The following IMMP2L variants were observed in gnomAD, a reference collection of about 807,000 sequenced individuals.
IMMP2L encodes mitochondrial inner membrane protease subunit 2.
IMMP2L carries 18 observed loss-of-function variants against 19.3 expected under a neutral mutation model. The observed-to-expected ratio is 0.93, with a 90% CI of 0.64 to 1.38. IMMP2L has a LOEUF of 1.38. Among genes scored for constraint, IMMP2L ranks in the 40% most tolerant of loss-of-function variants. IMMP2L has a pLI of 0.00. For synonymous variants in IMMP2L, 76 were observed against 73.0 expected (o/e 1.04, Z -0.21); for missense variants, 233 against 218.2 (o/e 1.07, Z -0.43).
intron 3 of IMMP2L, among the ~76,000 whole-genome samples, chr7:110,997,025 G>A (rs1823111308): frequency 6.6e-6 from 1 of 151,752 alleles, no homozygotes. Flanking sequence ...AATCACAAAG[G>A]GCATTCATGC....
chr7:110,814,831 G>A (rs1399081328), intron 5 of IMMP2L, among the ~76,000 whole-genome samples: 1 of 151,566 alleles, frequency 6.6e-6, no homozygotes, highest in Non-Finnish European at 1.5e-5. Flanking sequence ...AGACAGATGT[G>A]ATCACAATAC....
chr7:111,266,516 C>T (rs1817852412), intron 3 of IMMP2L, among the ~76,000 whole-genome samples: 1 of 147,528 alleles, frequency 6.8e-6, no homozygotes, highest in African/African-American at 2.5e-5. Context: ...GCACTCCAGC[C>T]TTGGCAACAG....
At chr7:111,256,139 T>A (rs867358307) in intron 3 of IMMP2L, among the ~76,000 whole-genome samples, 18 of 152,192 alleles carry the variant, frequency 1.2e-4, no homozygotes, top group African/African-American at 4.3e-4. Flanking sequence ...ATTTAGATAG[T>A]ATTCTAGCAA....
intron 3 of IMMP2L, among the ~76,000 whole-genome samples, chr7:111,243,286 T>A (rs1202726137): frequency 1.3e-5 from 2 of 152,020 alleles, no homozygotes; most frequent in East Asian, 3.9e-4. Context: ...TAAATACTAA[T>A]TCTCTATCTA....
intron 4 of IMMP2L, among the ~76,000 whole-genome samples, chr7:110,895,449 A>G (rs375413646): frequency 5.3e-5 from 8 of 152,258 alleles, no homozygotes; most frequent in African/African-American, 1.7e-4. Flanking sequence ...TCTTGAAATC[A>G]GGTGCAATGA....
At chr7:111,526,933 G>A (rs541221934) in intron 1 of IMMP2L, among the ~76,000 whole-genome samples, 47 of 152,138 alleles carry the variant, frequency 3.1e-4, no homozygotes, top group African/African-American at 1.1e-3. Context: ...GTAAATTAAG[G>A]GGGAAACATT....
intron 1 of IMMP2L, among the ~76,000 whole-genome samples, chr7:111,556,656 T>G (rs1791399862): frequency 6.6e-6 from 1 of 152,110 alleles, no homozygotes. Context: ...TAATGGCCAC[T>G]CTCCTTCAGC....
At chr7:111,132,577 G>A (rs1339316824) in intron 3 of IMMP2L, among the ~76,000 whole-genome samples, 1 of 152,046 alleles carries the variant, frequency 6.6e-6, no homozygotes, top group African/African-American at 2.4e-5. Flanking sequence ...ATTGTGAGCT[G>A]ATAATGCTTA....
intron 3 of IMMP2L, among the ~76,000 whole-genome samples, chr7:111,447,142 T>C (rs1448635078): frequency 2.0e-5 from 3 of 147,132 alleles, no homozygotes; most frequent in South Asian, 4.4e-4. Flanking sequence ...TGCAGGATAT[T>C]ATCCAGGAGA....
chr7:111,024,922 CAAG>C, intron 3 of IMMP2L, among the ~76,000 whole-genome samples: 1 of 152,062 alleles, frequency 6.6e-6, no homozygotes, highest in Non-Finnish European at 1.5e-5. Flanking sequence ...AAAAAGAAAA[CAAG>C]AGGCTTAATT....
Position 110,729,520 on chromosome 7 carries a change from AT to A in IMMP2L, c.409-65800del, listed in dbSNP as rs1584635629. On this transcript the variant is annotated intron_variant, in intron 5 of 5. Coordinates refer to ENST00000405709, the MANE Select transcript of IMMP2L (RefSeq NM_032549.4). Reference sequence around the variant, plus strand: ...CATGGAGATTGGAATTGGAGATGAGATTTGGGTGGGACACAGAACCAAACCA... The same window carrying A: ...CATGGAGATTGGAATTGGAGATGAGATTGGGTGGGACACAGAACCAAACCA... Among the ~76,000 whole-genome samples the A allele has an allele frequency of 2.0e-5, 3 of 152,278 alleles. No individual in the cohort carries two copies. The East Asian group carries it at 5.8e-4, about 29-fold the overall frequency.
At chr7:111,165,177 CTCTT>C (rs1478148514) in intron 3 of IMMP2L, among the ~76,000 whole-genome samples, 1 of 152,074 alleles carries the variant, frequency 6.6e-6, no homozygotes, top group Non-Finnish European at 1.5e-5. Context: ...TACTGTATCT[CTCTT>C]TCTGTGACTG....
At chr7:111,220,930 G>A (rs1812445594) in intron 3 of IMMP2L, among the ~76,000 whole-genome samples, 1 of 151,978 alleles carries the variant, frequency 6.6e-6, no homozygotes, top group South Asian at 2.1e-4. Context: ...TTCTATTCAG[G>A]CCCTCAATAG....
intron 3 of IMMP2L, among the ~76,000 whole-genome samples, chr7:111,085,933 T>G (rs147909778): frequency 0.027 from 4,050 of 152,070 alleles, 86 homozygotes; most frequent in Middle Eastern, 0.054. Flanking sequence ...GGGGGCTAAG[T>G]GATGAAAAAT....
chr7:111,262,549 A>AAG (rs1817426723), intron 3 of IMMP2L, among the ~76,000 whole-genome samples: 1 of 152,094 alleles, frequency 6.6e-6, no homozygotes, highest in South Asian at 2.1e-4. Context: ...TTCTAAGTAA[A>AAG]TACACTAACA....
chr7:110,894,737 T>C (rs1462640853), intron 4 of IMMP2L, among the ~76,000 whole-genome samples: 2 of 152,316 alleles, frequency 1.3e-5, no homozygotes, highest in Admixed American at 6.5e-5. Context: ...ACATTTTTCT[T>C]TTAAAATACA....
At chr7:111,227,749 T>C (rs769280576) in intron 3 of IMMP2L, among the ~76,000 whole-genome samples, 1 of 152,152 alleles carries the variant, frequency 6.6e-6, no homozygotes, top group Non-Finnish European at 1.5e-5. Flanking sequence ...TGGTCAAATG[T>C]ACTATCTTTC....
Position 111,300,482 on chromosome 7 carries a change from G to C in IMMP2L, c.239+186756C>G, listed in dbSNP as rs1004247676. On this transcript the variant is annotated intron_variant, in intron 3 of 5. Coordinates refer to ENST00000405709, the MANE Select transcript of IMMP2L (RefSeq NM_032549.4). ...TGTACTCTCTAGCCACATTGTCATA[G>C]TAGTGACATCTTGCAAAAATATGAT... Among the ~76,000 whole-genome samples, 14 of 152,070 alleles carry C rather than the reference G, an allele frequency of 9.2e-5. 1 individual carries two copies. Among genetic ancestry groups the C allele is most frequent in the Admixed American group, 6.6e-4 (10 of 15,238 alleles).
rs777862357 is a variant in IMMP2L at position 111,556,018 on chromosome 7, G to GTGTGTATA, written c.-3+5832_-3+5833insTATACACA. Among the ~76,000 whole-genome samples, 47 of 91,350 alleles carry GTGTGTATA rather than the reference G, an allele frequency of 5.1e-4. 4 individuals carry two copies. The highest frequency in any genetic ancestry group is 1.3e-3 in the East Asian group (3 of 2,282). 59.9% of individuals were successfully genotyped at this position (91,350 alleles called of 152,430 possible). ...TTAGCCATCCCTCTTCTGTGTGCAT[G>GTGTGTATA]TATATATATATATATATACATACCC... On this transcript the variant is annotated intron_variant, in intron 1 of 5. Transcript: ENST00000405709.
Sources: allele counts gnomAD v4.1 joint callset (sites outside exome capture counted in the v4.1 genomes callset), GRCh38; gene constraint gnomAD v4.1.1; transcripts MANE v1.5; gene names NCBI Gene and HGNC (gene_info 2026-07-23, HGNC 2026-07-21).